FCHO1: variants seen among roughly 807,000 people sequenced by gnomAD.
FCHO1 encodes the protein F-BAR domain only protein 1.
In FCHO1, 45 loss-of-function variants were observed where a neutral mutation model predicts 114.4. That is an observed-to-expected ratio of 0.39 (90% CI 0.31 to 0.50). FCHO1 has a LOEUF of 0.50. Ranked by LOEUF, FCHO1 falls within the 20% of genes least tolerant of loss-of-function variation. The probability of loss-of-function intolerance (pLI) is 0.77; values close to 1 mark genes in which losing one functional copy is unlikely to be tolerated. For missense variants in FCHO1, 1,042 were observed against 1,209.6 expected, an observed-to-expected ratio of 0.86 and a Z score of 2.06; for synonymous variants, 480 against 488.9, an observed-to-expected ratio of 0.98 and a Z score of 0.24.
intron 9 of FCHO1, 66 bp downstream of exon 9, chr19:17,770,962 A>G (rs1473935458): frequency 7.1e-7 from 1 of 1,401,868 alleles, no homozygotes; most frequent in African/African-American, 1.4e-5. Context: ...TATGGACTGC[A>G]GAAATCCCAG....
rs1202017063 is a variant in FCHO1, at chr19:17,783,126, A to G, written c.2047A>G (p.Thr683Ala). Residue 683 changes from threonine to alanine, a missense_variant, in exon 24 of 29, where the codon ACA (threonine) becomes GCA (alanine). Physicochemically the swap from Thr to Ala is moderately conservative, Grantham distance 58. Around this residue, in one of 3 missense-constraint regions of FCHO1, gnomAD observed 455 missense variants for 455.4 expected, o/e 1.00. Coordinates refer to ENST00000596536, the MANE Select transcript of FCHO1 (RefSeq NM_015122.3). ...PPVLSFRLVH[T>A]TAIEHFQPNA... ...TGTCCTCAGCTTCCGGCTTGTACACACAACCGCTATTGAGCACTTCCAGCC... is the reference window on the plus strand; with the variant it reads ...TGTCCTCAGCTTCCGGCTTGTACACGCAACCGCTATTGAGCACTTCCAGCC... 6 of 1,613,944 alleles carry G rather than the reference A, an allele frequency of 3.7e-6. No individual in the cohort carries two copies. The highest frequency in any genetic ancestry group is 3.3e-5 in the Admixed American group (2 of 59,990).
chr19:17,760,026 TTG>T (rs1356579288), intron 4 of FCHO1, among the ~76,000 whole-genome samples: 1 of 147,174 alleles, frequency 6.8e-6, no homozygotes, highest in Non-Finnish European at 1.5e-5. Flanking sequence ...CTGAAATATG[TTG>T]TGTCTCCTGT....
intron 4 of FCHO1, 50 bp from the exon 5 acceptor site, chr19:17,762,712 C>G: frequency 4.3e-6 from 6 of 1,388,826 alleles, no homozygotes; most frequent in Non-Finnish European, 6.2e-6. Context: ...TGCTAAGCAA[C>G]TATGATGTTC....
intron 24 of FCHO1, among the ~76,000 whole-genome samples, chr19:17,783,624 A>G (rs1184943379): frequency 6.6e-6 from 1 of 150,408 alleles, no homozygotes; most frequent in Non-Finnish European, 1.5e-5. Context: ...CTTGTTGCCC[A>G]GGCTGGAGTG....
rs202108800 is a variant in FCHO1, at chr19:17,781,283, A to G, written c.1680A>G (p.Pro560=). The change falls in exon 21 of 29, where the codon CCA becomes CCG. Residue 560 remains proline, a synonymous_variant. Coordinates refer to ENST00000596536, the MANE Select transcript of FCHO1 (RefSeq NM_015122.3). ...DPTAREGLAA[P]PRRLRSRKVS... ...CAGCCAGGGAGGGCCTGGCAGCCCCACCCAGGAGACTTCGCTCTAGGAAGG... is the reference window on the plus strand; with the variant it reads ...CAGCCAGGGAGGGCCTGGCAGCCCCGCCCAGGAGACTTCGCTCTAGGAAGG... 5.6e-6 allele frequency: 9 copies of G among 1,613,912 alleles called. No individual in the cohort carries two copies. In the East Asian group the frequency reaches 1.6e-4, roughly 28 times the overall value.
intron 6 of FCHO1, among the ~76,000 whole-genome samples, chr19:17,764,910 CAAA>C (rs1233651391): frequency 6.6e-6 from 1 of 151,586 alleles, no homozygotes; most frequent in Non-Finnish European, 1.5e-5. Flanking sequence ...ACTAAAAATA[CAAA>C]ATTAGTCGAG....
chr19:17,786,016 T>C (rs123390), intron 26 of FCHO1, among the ~76,000 whole-genome samples: 26,558 of 151,032 alleles, frequency 0.18, 2,985 homozygotes, highest in Non-Finnish European at 0.25. Context: ...GCCAGACTTA[T>C]AGGACAGAAT....
rs1185813809 is a variant in FCHO1, at chr19:17,778,540, C to T, written c.1352-69C>T. On this transcript the variant is annotated intron_variant, in intron 19 of 28. Coordinates refer to ENST00000596536, the MANE Select transcript of FCHO1 (RefSeq NM_015122.3). ...GACCTTCCCTCGACGTGGCCGTGGC[C>T]TGCAGGAGGATGGGCAGGGACTCTG... is the stretch of plus-strand genomic sequence containing the variant. 2.0e-5 allele frequency: 29 copies of T among 1,457,080 alleles called. No homozygotes were observed. In the South Asian group the frequency reaches 2.9e-4, roughly 15 times the overall value. The allele number at this position is 1,457,080 out of a possible 1,614,324, so 90.3% of individuals were successfully genotyped here. A position where few individuals can be genotyped will look rare whatever the true frequency, so the allele number is the denominator to read the frequency against.
chr19:17,760,470 C>T (rs528220116), intron 4 of FCHO1, among the ~76,000 whole-genome samples: 5 of 152,230 alleles, frequency 3.3e-5, no homozygotes, highest in South Asian at 2.1e-4. Flanking sequence ...TCCTTTCATG[C>T]GGCAGAGGGT....
chr19:17,774,323 G>C, intron 12 of FCHO1, 40 bp downstream of exon 12: 1 of 1,613,526 alleles, frequency 6.2e-7, no homozygotes, highest in South Asian at 1.1e-5. Context: ...CTGGACCATG[G>C]GGGTGAGGGA....
chr19:17,775,801 G>A lies in FCHO1; in HGVS notation c.1004-182G>A, dbSNP rs1427556666. ...TAGTTCTGGGCATGCTTGTGCAAAG[G>A]CTTCTCGGGGGGGGTGGGAGTGCTG... is the stretch of plus-strand genomic sequence containing the variant. On this transcript the variant is annotated intron_variant, in intron 15 of 28. Coordinates refer to ENST00000596536, the MANE Select transcript of FCHO1 (RefSeq NM_015122.3). This position sits in a 1 kb window ranked among gnomAD's most constrained non-coding sequence, Gnocchi z 5.1. 4.0e-5 allele frequency among the ~76,000 whole-genome samples: 6 copies of A among 151,426 alleles called. No individual in the cohort carries two copies. The highest frequency in any genetic ancestry group is 1.3e-4 in the Admixed American group (2 of 15,202).
At chr19:17,777,428 C>T (rs972688707) in intron 18 of FCHO1, among the ~76,000 whole-genome samples, 25 of 146,950 alleles carry the variant, frequency 1.7e-4, no homozygotes, top group Admixed American at 1.4e-3. Context: ...CCCAGCTATT[C>T]GAGAGGGTGA....
At chr19:17,748,537 C>A (rs1481193733), upstream of FCHO1, among the ~76,000 whole-genome samples, 1 of 139,072 alleles carries the variant, frequency 7.2e-6, no homozygotes, top group Non-Finnish European at 1.5e-5. Context: ...TACTGAGGGG[C>A]GGGGTGTACA....
In FCHO1 at chr19:17,772,678, G is replaced by A. The variant is rs1199261387; in HGVS notation, c.727G>A (p.Val243Ile). 5.6e-6 allele frequency: 9 copies of A among 1,614,042 alleles called. No homozygotes were observed. In the Admixed American group the frequency reaches 1.2e-4, roughly 21 times the overall value. ...GGAATTTAAGCAGAACATCGAGAAC[G>A]TCAGCGTGGAGATGCTACTCAGGAA... ...HEEFKQNIENVSVEMLLRKFA... is the reference protein window; with the variant it reads ...HEEFKQNIENISVEMLLRKFA... Residue 243 changes from valine (V) to isoleucine (I), a missense_variant, in exon 11 of 29, where the codon GTC becomes ATC. This residue lies in a region of FCHO1 where 450 missense variants were observed against 564.1 expected (regional missense o/e 0.80). Transcript: ENST00000596536.
chr19:17,788,146 C>A, intron 28 of FCHO1, 138 bp from the exon 29 acceptor site: 1 of 765,638 alleles, frequency 1.3e-6, no homozygotes. Flanking sequence ...TCCTGGGGCC[C>A]AGTGGCAACA....
chr19:17,781,850 G>A, intron 23 of FCHO1, 30 bp downstream of exon 23: 2 of 1,476,960 alleles, frequency 1.4e-6, no homozygotes, highest in Non-Finnish European at 1.8e-6. Context: ...CAGGGCCCGT[G>A]GGAAGTCTGT....
At chr19:17,770,131 C>T (rs988275398) in intron 7 of FCHO1, among the ~76,000 whole-genome samples, 1 of 152,106 alleles carries the variant, frequency 6.6e-6, no homozygotes. Context: ...GAAACCCCGT[C>T]TCCACTAAAA....
chr19:17,769,274 C>CAAAA (rs34490038), intron 7 of FCHO1, among the ~76,000 whole-genome samples: 14,111 of 51,602 alleles, frequency 0.27, 2,525 homozygotes, highest in East Asian at 0.58. Context: ...GACTCCGCCT[C>CAAAA]AAAAAAAAAA....
In FCHO1 at chr19:17,772,668, C is replaced by A. The variant is rs140401697; in HGVS notation, c.717C>A (p.Asn239Lys). 6.2e-6 allele frequency: 10 copies of A among 1,614,008 alleles called. No homozygotes were observed. In the African/African-American group the frequency reaches 1.3e-4, roughly 22 times the overall value. ...IGQVHEEFKQNIENVSVEMLL... is the reference protein window; with the variant it reads ...IGQVHEEFKQKIENVSVEMLL... ...AGGTGCATGAGGAATTTAAGCAGAA[C>A]ATCGAGAACGTCAGCGTGGAGATGC... The change falls in exon 11 of 29, where the codon AAC becomes AAA. Residue 239 changes from asparagine (N) to lysine (K), a missense_variant. Asn to Lys is a moderately conservative substitution (Grantham distance 94, BLOSUM62 0). Coordinates refer to ENST00000596536, the MANE Select transcript of FCHO1 (RefSeq NM_015122.3).
Sources: gnomAD v4.1 joint callset for allele counts (sites outside exome capture counted in the v4.1 genomes callset) on GRCh38, gnomAD v4.1.1 for gene constraint, gnomAD v4.1.1 regional missense constraint, Gnocchi (gnomAD v3.1) non-coding constraint, MANE v1.5 for transcripts, NCBI Gene and HGNC (gene_info 2026-07-23, HGNC 2026-07-21) for gene names.